OPCML: variants seen among roughly 807,000 people sequenced by gnomAD.
OPCML encodes opioid-binding protein/cell adhesion molecule.
In OPCML, 13 loss-of-function variants were observed where a neutral mutation model predicts 37.8. That is an observed-to-expected ratio of 0.34 (90% CI 0.22 to 0.55). The LOEUF (loss-of-function observed/expected upper bound fraction) is 0.55, where lower values mean the gene tolerates loss of function less well. OPCML is among the 20% of genes least tolerant of loss of function. The pLI is 0.91. For synonymous variants in OPCML, 176 were observed against 168.8 expected (o/e 1.04, Z -0.33); for missense variants, 341 against 435.6 (o/e 0.78, Z 1.93).
intron 1 of OPCML, among the ~76,000 whole-genome samples, chr11:133,003,499 A>G (rs1358024406): frequency 6.6e-6 from 1 of 152,192 alleles, no homozygotes; most frequent in Admixed American, 6.5e-5. Context: ...CACTCAGATA[A>G]TCCAGGATGA....
intron 1 of OPCML, among the ~76,000 whole-genome samples, chr11:133,192,892 A>T (rs1370547905): frequency 4.2e-5 from 6 of 142,260 alleles, no homozygotes; most frequent in Admixed American, 7.0e-5. Flanking sequence ...TTTCATTTCC[A>T]GTTTTGTTAA....
chr11:133,347,866 C>T (rs1944038444), intron 1 of OPCML, among the ~76,000 whole-genome samples: 1 of 151,882 alleles, frequency 6.6e-6, no homozygotes. Context: ...TTTTATAATC[C>T]CAGTACATGC....
intron 1 of OPCML, among the ~76,000 whole-genome samples, chr11:133,475,633 GCTCT>G (rs374756541): frequency 6.6e-6 from 1 of 152,064 alleles, no homozygotes; most frequent in African/African-American, 2.4e-5. Context: ...AAACCTACCA[GCTCT>G]CTCTCTCTTT....
At chr11:132,723,088 C>T (rs1240523300) in intron 2 of OPCML, among the ~76,000 whole-genome samples, 1 of 152,066 alleles carries the variant, frequency 6.6e-6, no homozygotes, top group African/African-American at 2.4e-5. Context: ...CTAGACAGAA[C>T]CCAATATACA....
chr11:132,707,159 G>T (rs1944067584), intron 2 of OPCML, among the ~76,000 whole-genome samples: 1 of 152,156 alleles, frequency 6.6e-6, no homozygotes, highest in African/African-American at 2.4e-5. Flanking sequence ...GGAAGAAAGG[G>T]CTTTGGAAAG....
At chr11:133,088,578 A>G (rs1308234150) in intron 1 of OPCML, among the ~76,000 whole-genome samples, 3 of 152,214 alleles carry the variant, frequency 2.0e-5, no homozygotes, top group African/African-American at 7.2e-5. Flanking sequence ...ACCAAAGGGG[A>G]TTGCAATAAA....
At chr11:133,089,800 GACAT>G (rs1565441745) in intron 1 of OPCML, among the ~76,000 whole-genome samples, 1 of 151,964 alleles carries the variant, frequency 6.6e-6, no homozygotes, top group African/African-American at 2.4e-5. Flanking sequence ...GTTTGATAGA[GACAT>G]TGGGGAAGGA....
At chr11:133,458,455 T>C (rs545587180) in intron 1 of OPCML, among the ~76,000 whole-genome samples, 3 of 123,572 alleles carry the variant, frequency 2.4e-5, no homozygotes, top group Admixed American at 7.6e-5. Flanking sequence ...TGTATATATA[T>C]ACACATATAT....
chr11:132,844,355 T>C (rs1405149478), intron 2 of OPCML, among the ~76,000 whole-genome samples: 2 of 152,038 alleles, frequency 1.3e-5, no homozygotes, highest in Admixed American at 1.3e-4. Context: ...GGGAGAACAG[T>C]CCATTTGGAA....
At chr11:132,444,906 G>A (rs1237940750) in intron 4 of OPCML, among the ~76,000 whole-genome samples, 1 of 152,210 alleles carries the variant, frequency 6.6e-6, no homozygotes, top group Non-Finnish European at 1.5e-5. Context: ...TGAAAAGTGT[G>A]ATAAACCCAC....
At chr11:132,422,726 C>T (rs2095964038) in intron 7 of OPCML, among the ~76,000 whole-genome samples, 2 of 152,228 alleles carry the variant, frequency 1.3e-5, no homozygotes, top group South Asian at 2.1e-4. Flanking sequence ...TTAGCTATGG[C>T]CACGCAACTT....
intron 1 of OPCML, among the ~76,000 whole-genome samples, chr11:133,075,051 G>C (rs774677144): frequency 6.6e-6 from 1 of 152,178 alleles, no homozygotes; most frequent in Non-Finnish European, 1.5e-5. Context: ...TGTGCGTGCA[G>C]TGGACGTCAG....
chr11:133,082,448 C>T (rs1948741611), intron 1 of OPCML, among the ~76,000 whole-genome samples: 1 of 99,068 alleles, frequency 1.0e-5, no homozygotes, highest in South Asian at 4.8e-4. Context: ...CTTTCTCTTC[C>T]CCTCCTCCCC....
intron 2 of OPCML, among the ~76,000 whole-genome samples, chr11:132,857,978 G>A (rs1013758451): frequency 3.9e-5 from 6 of 152,136 alleles, no homozygotes; most frequent in Non-Finnish European, 2.9e-5. Context: ...GAGGCAATGA[G>A]GACAGTGTGG....
intron 1 of OPCML, among the ~76,000 whole-genome samples, chr11:133,468,555 G>C (rs1196384591): frequency 6.6e-6 from 1 of 152,214 alleles, no homozygotes; most frequent in Admixed American, 6.5e-5. Flanking sequence ...ACTCTGATGA[G>C]CTCTCAGAAC....
At chr11:132,590,313 G>A (rs563688146) in intron 3 of OPCML, among the ~76,000 whole-genome samples, 20 of 152,050 alleles carry the variant, frequency 1.3e-4, no homozygotes, top group Non-Finnish European at 2.4e-4. Context: ...TGAATGGAAG[G>A]ATGAACAAAT....
chr11:133,231,618 T>C (rs1325534615), intron 1 of OPCML, among the ~76,000 whole-genome samples: 1 of 152,148 alleles, frequency 6.6e-6, no homozygotes, highest in Non-Finnish European at 1.5e-5. Context: ...CCCAGCAACA[T>C]GTTGATGAAC....
chr11:132,531,895 G>T (rs2096326399), intron 3 of OPCML, among the ~76,000 whole-genome samples: 1 of 152,064 alleles, frequency 6.6e-6, no homozygotes, highest in African/African-American at 2.4e-5. Context: ...GCTTCAGCTG[G>T]AAGTGTTCGG....
intron 1 of OPCML, among the ~76,000 whole-genome samples, chr11:133,068,818 A>G (rs1249817660): frequency 6.6e-6 from 1 of 152,184 alleles, no homozygotes; most frequent in Non-Finnish European, 1.5e-5. Flanking sequence ...TTTTTTCCAT[A>G]CTAGTGTCAG....
Sources: gnomAD v4.1 joint callset for allele counts (sites outside exome capture counted in the v4.1 genomes callset) on GRCh38, gnomAD v4.1.1 for gene constraint, MANE v1.5 for transcripts, NCBI Gene and HGNC (gene_info 2026-07-23, HGNC 2026-07-21) for gene names.